The following ABCB5 variants were observed in gnomAD, a reference collection of about 807,000 sequenced individuals.
ABCB5 encodes ATP binding cassette subfamily B member 5, also known as ATP-binding cassette sub-family B member 5.
In ABCB5, 155 loss-of-function variants were observed where a neutral mutation model predicts 144.2. The observed-to-expected ratio is 1.08, with a 90% CI of 0.94 to 1.23. ABCB5 has a LOEUF of 1.23. ABCB5 is among the 50% of genes most tolerant of loss of function. The pLI, the probability that ABCB5 is intolerant of heterozygous loss-of-function variation, is 0.00. For missense variants in ABCB5, 1,830 were observed against 1,520.8 expected (o/e 1.20, Z -3.38); for synonymous variants, 610 against 528.6 (o/e 1.15, Z -2.11).
chr7:20,754,355 A>G (rs1583472514), intron 27 of ABCB5, among the ~76,000 whole-genome samples: 1 of 152,248 alleles, frequency 6.6e-6, no homozygotes, highest in African/African-American at 2.4e-5. Flanking sequence ...ATAAACAACA[A>G]CTAACTTTTG....
rs1783834736 is a variant in ABCB5 at position 20,623,116 on chromosome 7, T to G, written c.-21-149T>G. ...ATCTATGAACTGCCTAGCCAGAAACTTCAATTGGAGTGGGGGGCTGGGCAG... is the reference window on the plus strand; with the variant it reads ...ATCTATGAACTGCCTAGCCAGAAACGTCAATTGGAGTGGGGGGCTGGGCAG... On this transcript the variant is annotated intron_variant, in intron 1 of 27. Coordinates refer to ENST00000404938, the MANE Select transcript of ABCB5 (RefSeq NM_001163941.2). 7.1e-6 allele frequency: 4 copies of G among 566,452 alleles called. No individual in the cohort carries two copies. The South Asian group carries it at 1.0e-4, about 14-fold the overall frequency. The allele number at this position is 566,452 out of a possible 1,614,324, so 35.1% of individuals were successfully genotyped here.
chr7:20,736,277 ACG>A (rs1782377164), intron 23 of ABCB5, among the ~76,000 whole-genome samples: 1 of 151,852 alleles, frequency 6.6e-6, no homozygotes, highest in African/African-American at 2.4e-5. Flanking sequence ...GAGTGCAGTG[ACG>A]TGATCTCAGC....
At chr7:20,679,131 A>C (rs536215099) in intron 14 of ABCB5, among the ~76,000 whole-genome samples, 26 of 152,322 alleles carry the variant, frequency 1.7e-4, no homozygotes, top group African/African-American at 5.8e-4. Flanking sequence ...ATTGGACTTC[A>C]TTAAAATTTT....
Position 20,711,778 on chromosome 7 carries a change from C to CTCTTTCTTTCTTTCTTTCTTTCTTTCTT in ABCB5, c.2421+7013_2421+7040dup, listed in dbSNP as rs1174731019. Among the ~76,000 whole-genome samples the CTCTTTCTTTCTTTCTTTCTTTCTTTCTT allele has an allele frequency of 5.1e-4, 24 of 47,142 alleles. 2 individuals carry two copies. Among genetic ancestry groups the CTCTTTCTTTCTTTCTTTCTTTCTTTCTT allele is most frequent in the South Asian group, 8.7e-4 (1 of 1,150 alleles). 30.9% of individuals were successfully genotyped at this position (47,142 alleles called of 152,430 possible). A position where few individuals can be genotyped will look rare whatever the true frequency, so the allele number is the denominator to read the frequency against. ...CCAGCCTGCCTGCCTTTCCTTCTTT[C>CTCTTTCTTTCTTTCTTTCTTTCTTTCTT]TCTTTCTTTCTTTCTTTCTTTCTTT... On this transcript the variant is annotated intron_variant, in intron 20 of 27. Transcript: ENST00000404938.
chr7:20,714,244 T>C (rs1410206974), intron 20 of ABCB5, among the ~76,000 whole-genome samples: 1 of 152,192 alleles, frequency 6.6e-6, no homozygotes, highest in African/African-American at 2.4e-5. Context: ...ATAATTTTCT[T>C]ATCAAAGTGA....
intron 14 of ABCB5, among the ~76,000 whole-genome samples, chr7:20,680,090 C>G (rs1220469658): frequency 2.6e-5 from 4 of 152,176 alleles, no homozygotes; most frequent in Non-Finnish European, 4.4e-5. Flanking sequence ...AATAAATTAT[C>G]CGCAACTCTA....
At chr7:20,718,479 TG>T (rs898959657) in intron 20 of ABCB5, among the ~76,000 whole-genome samples, 1 of 152,224 alleles carries the variant, frequency 6.6e-6, no homozygotes, top group Non-Finnish European at 1.5e-5. Context: ...TTTGAGTGTT[TG>T]CTGTTGTGTG....
In ABCB5 at chr7:20,622,127, T is replaced by C. The variant is rs902614335; in HGVS notation, c.-21-1138T>C. ...CATTATTTATTGAGAATAGAACGCA[T>C]ACATGATTTTGGTTTAAATGGACAG... On this transcript the variant is annotated intron_variant, in intron 1 of 27. Coordinates refer to ENST00000404938, the MANE Select transcript of ABCB5 (RefSeq NM_001163941.2). Among the ~76,000 whole-genome samples the C allele has an allele frequency of 3.4e-4, 52 of 152,134 alleles. 1 individual carries two copies. The highest frequency in any genetic ancestry group is 2.0e-4 in the Admixed American group (3 of 15,276).
chr7:20,721,234 C>T (rs182776709), intron 20 of ABCB5, among the ~76,000 whole-genome samples: 420 of 152,240 alleles, frequency 2.8e-3, no homozygotes, highest in Non-Finnish European at 5.1e-3. Flanking sequence ...GCCACTTAAT[C>T]CCAAGTGATT....
At chr7:20,647,309 AAGGCCAAGGATACTTGGATTAATCTGT>A (rs1583390851) in intron 9 of ABCB5, 199 bp from the exon 10 acceptor site, 1 of 1,275,650 alleles carries the variant, frequency 7.8e-7, no homozygotes, top group East Asian at 3.4e-5. Flanking sequence ...TTATTAGGAA[AAGGCCAAGGATACTTGGATTAATCTGT>A]GTTTCTATTG....
At position 20,700,095 on chromosome 7, in the gene ABCB5, T is replaced by C. The variant is rs150850020; in HGVS notation, c.2297T>C (p.Met766Thr). ...FYGRAGEILT[M>T]RLRHLAFKAM... is the part of the protein sequence containing the mutation. ...GGCAGAGCAGGGGAAATTTTAACGA[T>C]GAGATTAAGACACTTGGCCTTCAAA... is the stretch of plus-strand genomic sequence containing the variant. Residue 766 changes from methionine (M) to threonine (T), a missense_variant, in exon 19 of 28, where the codon ATG becomes ACG. Transcript: ENST00000404938. The C allele has an allele frequency of 3.2e-5, 52 of 1,613,526 alleles. No individual in the cohort carries two copies. The African/African-American group carries it at 6.1e-4, about 19-fold the overall frequency.
chr7:20,731,366 A>AT (rs201169582), intron 23 of ABCB5, among the ~76,000 whole-genome samples: 5,997 of 95,792 alleles, frequency 0.063, 163 homozygotes, highest in African/African-American at 0.09. Flanking sequence ...AAAAAAAAAA[A>AT]AAAATATATA....
In ABCB5 at chr7:20,631,606, A is replaced by T. The variant is rs181837869; in HGVS notation, c.260-453A>T. Among the ~76,000 whole-genome samples the T allele has an allele frequency of 1.6e-3, 250 of 152,308 alleles. 2 individuals carry two copies. Among genetic ancestry groups the T allele is most frequent in the African/African-American group, 5.6e-3 (231 of 41,586 alleles). The stretch of plus-strand genomic sequence containing the variant: ...TTAAACATTGTTATTTATACTCAAC[A>T]TGTTTCACTGAGCTTTCCATTTTTC... On this transcript the variant is annotated intron_variant, in intron 4 of 27. Transcript: ENST00000404938.
At chr7:20,738,711 A>G (rs1478511381) in intron 23 of ABCB5, among the ~76,000 whole-genome samples, 3 of 152,188 alleles carry the variant, frequency 2.0e-5, no homozygotes, top group African/African-American at 7.2e-5. Flanking sequence ...TTTTATATTC[A>G]CTAGTTGGGA....
chr7:20,709,481 TC>T (rs1181781316), intron 20 of ABCB5, among the ~76,000 whole-genome samples: 3 of 150,090 alleles, frequency 2.0e-5, no homozygotes, highest in South Asian at 2.1e-4. Flanking sequence ...TGCTGTGGCA[TC>T]TAATTTGAAT....
chr7:20,723,568 T>C (rs1475727608), intron 21 of ABCB5, among the ~76,000 whole-genome samples: 1 of 152,214 alleles, frequency 6.6e-6, no homozygotes, highest in Non-Finnish European at 1.5e-5. Context: ...AATACGAGTA[T>C]TCACTTACAA....
intron 5 of ABCB5, among the ~76,000 whole-genome samples, chr7:20,635,191 T>C (rs185114513): frequency 4.2e-4 from 64 of 152,264 alleles, no homozygotes; most frequent in African/African-American, 1.5e-3. Flanking sequence ...TTTGTTGGCT[T>C]TGTTGAAGGT....
At chr7:20,675,827 A>G (rs1183277058) in intron 14 of ABCB5, among the ~76,000 whole-genome samples, 1 of 152,050 alleles carries the variant, frequency 6.6e-6, no homozygotes, top group East Asian at 1.9e-4. Context: ...ACAAAAATAA[A>G]GAATAAATAA....
At chr7:20,712,447 T>G (rs1038101191) in intron 20 of ABCB5, among the ~76,000 whole-genome samples, 2 of 149,418 alleles carry the variant, frequency 1.3e-5, no homozygotes, top group Non-Finnish European at 3.0e-5. Context: ...GACCATTATT[T>G]ATCTAAGTAT....
Sources: gnomAD v4.1 joint callset for allele counts (sites outside exome capture counted in the v4.1 genomes callset) on GRCh38, gnomAD v4.1.1 for gene constraint, MANE v1.5 for transcripts, NCBI Gene and HGNC (gene_info 2026-07-23, HGNC 2026-07-21) for gene names.